The following PAFAH1B1 variants were observed in gnomAD, a reference collection of about 807,000 sequenced individuals.
The protein encoded by PAFAH1B1 is platelet-activating factor acetylhydrolase IB subunit beta.
A neutral mutation model predicts 57.5 loss-of-function variants in PAFAH1B1; 2 were observed. The ratio of observed to expected loss-of-function variants is 0.03; its 90% CI spans 0.01 to 0.11. PAFAH1B1 has a LOEUF of 0.11. Among genes scored for constraint, PAFAH1B1 ranks in the 10% least tolerant of loss-of-function variants. The pLI is 1.00. For synonymous variants in PAFAH1B1, 152 were observed against 169.6 expected (o/e 0.90, Z 0.81); for missense variants, 257 against 512.0 (o/e 0.50, Z 4.81).
At chr17:2,670,141 C>T in intron 5 of PAFAH1B1, 22 bp from the exon 6 acceptor site, 1 of 1,612,648 alleles carries the variant, frequency 6.2e-7, no homozygotes, top group Non-Finnish European at 8.5e-7. Context: ...TGGTGTTAAC[C>T]AATTTTCTGT....
chr17:2,666,154 A>G (rs770133565), intron 4 of PAFAH1B1, 64 bp downstream of exon 4: 1 of 1,230,354 alleles, frequency 8.1e-7, no homozygotes, highest in Non-Finnish European at 1.1e-6. Flanking sequence ...TGAAAATAAC[A>G]TTCTTCTGCA....
intron 1 of PAFAH1B1, among the ~76,000 whole-genome samples, chr17:2,634,669 T>G (rs1304343324): frequency 6.6e-6 from 1 of 152,206 alleles, no homozygotes. Context: ...GTGATTTTTT[T>G]TTTTCCTAAA....
At chr17:2,662,141 TGAAAA>T (rs1454988286) in intron 2 of PAFAH1B1, 1 of 150,632 alleles carries the variant, frequency 6.6e-6, no homozygotes, top group African/African-American at 2.4e-5. Flanking sequence ...TAAAAACAAA[TGAAAA>T]GAATGTAGGA....
intron 2 of PAFAH1B1, among the ~76,000 whole-genome samples, chr17:2,661,750 G>A (rs996324048): frequency 6.6e-6 from 1 of 152,052 alleles, no homozygotes; most frequent in African/African-American, 2.4e-5. Context: ...AAATGGTTAC[G>A]GAACTCTTAG....
At chr17:2,596,205 T>TAC (rs952094305) in intron 1 of PAFAH1B1, among the ~76,000 whole-genome samples, 1 of 151,916 alleles carries the variant, frequency 6.6e-6, no homozygotes, top group Non-Finnish European at 1.5e-5. Flanking sequence ...TATATAAAGA[T>TAC]ACACACACAC....
intron 2 of PAFAH1B1, among the ~76,000 whole-genome samples, chr17:2,649,488 C>T (rs930624042): frequency 6.7e-6 from 1 of 150,154 alleles, no homozygotes; most frequent in East Asian, 2.0e-4. Context: ...GCAGGAGGAT[C>T]GCTTGAACCT....
intron 1 of PAFAH1B1, among the ~76,000 whole-genome samples, chr17:2,606,826 T>G (rs1031226117): frequency 4.1e-5 from 6 of 144,674 alleles, no homozygotes; most frequent in Admixed American, 1.4e-4. Flanking sequence ...TTTTTTTTTT[T>G]TTTTTTTTTT....
At chr17:2,629,498 C>T (rs1417653502) in intron 1 of PAFAH1B1, among the ~76,000 whole-genome samples, 1 of 151,754 alleles carries the variant, frequency 6.6e-6, no homozygotes, top group African/African-American at 2.4e-5. Context: ...TATTGATGCT[C>T]GTTTTGTGGT....
chr17:2,685,244 T>C lies in PAFAH1B1; in HGVS notation c.*3442T>C, dbSNP rs191536229. On this transcript the variant is annotated 3_prime_UTR_variant, in exon 11 of 11. Coordinates refer to ENST00000397195, the MANE Select transcript of PAFAH1B1 (RefSeq NM_000430.4). The stretch of plus-strand genomic sequence containing the variant: ...GCCTTTTTATCTTCCCACTGTATCA[T>C]GGAAGTAGCTGCTTGCTTGTACTGT... 6.6e-6 allele frequency: 1 copy of C among 152,576 alleles called. No homozygotes were observed. Among genetic ancestry groups the C allele is most frequent in the Non-Finnish European group, 1.5e-5 (1 of 68,024 alleles). 9.5% of individuals were successfully genotyped at this position (152,576 alleles called of 1,614,324 possible). A position where few individuals can be genotyped will look rare whatever the true frequency, so the allele number is the denominator to read the frequency against.
chr17:2,649,409 C>T (rs1022957198), intron 2 of PAFAH1B1, among the ~76,000 whole-genome samples: 3 of 151,964 alleles, frequency 2.0e-5, no homozygotes, highest in Non-Finnish European at 2.9e-5. Flanking sequence ...CCCATCTCTA[C>T]TAAAAATACA....
intron 1 of PAFAH1B1, among the ~76,000 whole-genome samples, chr17:2,605,619 G>GC (rs977283826): frequency 3.3e-5 from 5 of 151,996 alleles, no homozygotes; most frequent in Admixed American, 1.3e-4. Context: ...TCCCTGCCGC[G>GC]CCCCCCTTAC....
rs1341695503 is a variant in PAFAH1B1 at position 2,684,690 on chromosome 17, A to G, written c.*2888A>G. 1 of 152,608 alleles carries G rather than the reference A, an allele frequency of 6.6e-6. No homozygotes were observed. Among genetic ancestry groups the G allele is most frequent in the African/African-American group, 2.4e-5 (1 of 41,428 alleles). The allele number at this position is 152,608 out of a possible 1,614,324, so 9.5% of individuals were successfully genotyped here. The stretch of plus-strand genomic sequence containing the variant: ...GCATCTTGCACTTTAGGAGACTAAG[A>G]CCGTCCTGGTTCGTCTGTGTGTGGT... On this transcript the variant is annotated 3_prime_UTR_variant, in exon 11 of 11. Coordinates refer to ENST00000397195, the MANE Select transcript of PAFAH1B1 (RefSeq NM_000430.4).
At chr17:2,616,338 T>G (rs1056007003) in intron 1 of PAFAH1B1, among the ~76,000 whole-genome samples, 4 of 151,676 alleles carry the variant, frequency 2.6e-5, no homozygotes, top group African/African-American at 9.7e-5. Flanking sequence ...GCCAATAGGG[T>G]GTGTGTGTGT....
rs574290263 is a variant in PAFAH1B1 at position 2,618,589 on chromosome 17, G to T, written c.-190-19510G>T. On this transcript the variant is annotated intron_variant, in intron 1 of 10. Coordinates refer to ENST00000397195, the MANE Select transcript of PAFAH1B1 (RefSeq NM_000430.4). ...TATAGGAAAATTTACTTTTTTAAAAGAAATTATTTGACTGCATTATAGTAT... is the reference window on the plus strand; with the variant it reads ...TATAGGAAAATTTACTTTTTTAAAATAAATTATTTGACTGCATTATAGTAT... Among the ~76,000 whole-genome samples, 15 of 152,046 alleles carry T rather than the reference G, an allele frequency of 9.9e-5. No homozygotes were observed. The South Asian group carries it at 3.1e-3, about 32-fold the overall frequency.
chr17:2,656,291 T>C (rs574896425), intron 2 of PAFAH1B1, among the ~76,000 whole-genome samples: 1 of 151,416 alleles, frequency 6.6e-6, no homozygotes, highest in Non-Finnish European at 1.5e-5. Context: ...ATCTCTACTT[T>C]AAAAAAAAAT....
At chr17:2,621,604 T>TAATAC (rs2068421869) in intron 1 of PAFAH1B1, among the ~76,000 whole-genome samples, 2 of 89,248 alleles carry the variant, frequency 2.2e-5, no homozygotes, top group African/African-American at 1.5e-4. Context: ...GTAGATAATC[T>TAATAC]GTCTTTTTTT....
intron 9 of PAFAH1B1, among the ~76,000 whole-genome samples, chr17:2,678,980 G>A (rs950191971): frequency 4.6e-5 from 7 of 152,206 alleles, no homozygotes; most frequent in African/African-American, 1.4e-4. Context: ...TTGAAATGTG[G>A]CTAGTGAGAC....
At chr17:2,641,571 G>C (rs1220464346) in intron 2 of PAFAH1B1, 1 of 152,084 alleles carries the variant, frequency 6.6e-6, no homozygotes, top group Non-Finnish European at 1.5e-5. Flanking sequence ...GCCCATGAGA[G>C]CCCCCTCAGT....
chr17:2,658,773 C>T (rs1489405531), intron 2 of PAFAH1B1, among the ~76,000 whole-genome samples: 7 of 152,092 alleles, frequency 4.6e-5, no homozygotes, highest in Admixed American at 1.3e-4. Context: ...GTAGTTAAAT[C>T]CTGAACTACC....
Sources: gnomAD v4.1 joint callset for allele counts (sites outside exome capture counted in the v4.1 genomes callset) on GRCh38, gnomAD v4.1.1 for gene constraint, MANE v1.5 for transcripts, NCBI Gene and HGNC (gene_info 2026-07-23, HGNC 2026-07-21) for gene names.